Variants in NAALADL2 observed in about 807,000 individuals in gnomAD.
NAALADL2 encodes the protein N-acetylated alpha-linked acidic dipeptidase like 2, also known as inactive N-acetylated-alpha-linked acidic dipeptidase-like protein 2.
Under a neutral mutation model 87.2 loss-of-function variants are expected in NAALADL2, and 76 were observed. That is an observed-to-expected ratio of 0.87 (90% confidence interval 0.72 to 1.05). The LOEUF is 1.05. Among genes scored for constraint, NAALADL2 ranks in the 50% least tolerant of loss-of-function variants. NAALADL2 has a pLI of 0.00. For synonymous variants in NAALADL2, 354 were observed against 331.0 expected (o/e 1.07, Z -0.75); for missense variants, 1,089 against 945.8 (o/e 1.15, Z -1.99).
At chr3:174,853,763 T>C (rs1191098408) in intron 3 of NAALADL2, among the ~76,000 whole-genome samples, 3 of 152,076 alleles carry the variant, frequency 2.0e-5, no homozygotes, top group African/African-American at 2.4e-5. Context: ...AAATGGCCAA[T>C]AGGTATATGA....
intron 11 of NAALADL2, among the ~76,000 whole-genome samples, chr3:175,654,851 C>T (rs149787267): frequency 5.1e-4 from 77 of 152,158 alleles, no homozygotes; most frequent in Admixed American, 1.3e-3. Flanking sequence ...ACCAGGGAAC[C>T]TGTGTATAGG....
chr3:175,617,392 A>G lies in NAALADL2; in HGVS notation c.1801-9899A>G, dbSNP rs1424497642. 5.1e-4 allele frequency among the ~76,000 whole-genome samples: 77 copies of G among 152,042 alleles called. 2 individuals carry two copies. Among genetic ancestry groups the G allele is most frequent in the Admixed American group, 5.0e-3 (77 of 15,272 alleles). ...TGAAAGACTGGCTCTGGACCCTGTG[A>G]CTTGTATCTCGGGAACAGTCCACCC... On this transcript the variant is annotated intron_variant, in intron 10 of 13. Coordinates refer to ENST00000454872, the MANE Select transcript of NAALADL2 (RefSeq NM_207015.3).
At chr3:174,894,281 C>T (rs1327582537) in intron 1 of NAALADL2, among the ~76,000 whole-genome samples, 1 of 152,090 alleles carries the variant, frequency 6.6e-6, no homozygotes, top group Admixed American at 6.6e-5. Flanking sequence ...ACTTCTGGCA[C>T]TGGACAGATC....
intron 2 of NAALADL2, among the ~76,000 whole-genome samples, chr3:174,723,190 C>T (rs890337691): frequency 1.3e-4 from 20 of 152,110 alleles, no homozygotes; most frequent in African/African-American, 4.8e-4. Flanking sequence ...TAAAAATTGC[C>T]TGCCTGTGAT....
intron 1 of NAALADL2, among the ~76,000 whole-genome samples, chr3:174,977,222 C>CG (rs1485543504): frequency 6.6e-6 from 1 of 152,048 alleles, no homozygotes; most frequent in Non-Finnish European, 1.5e-5. Context: ...TGGTGGTTTC[C>CG]GGGGGCTGGA....
chr3:174,479,257 T>C (rs557562497), intron 1 of NAALADL2, among the ~76,000 whole-genome samples: 54 of 152,146 alleles, frequency 3.5e-4, no homozygotes, highest in Non-Finnish European at 6.2e-4. Context: ...TAGCCTCAAC[T>C]CTAAATGAAT....
chr3:174,794,541 A>C (rs1717842382), intron 3 of NAALADL2, among the ~76,000 whole-genome samples: 1 of 152,166 alleles, frequency 6.6e-6, no homozygotes, highest in Non-Finnish European at 1.5e-5. Context: ...GAGTTATTGG[A>C]TATTTGCTAA....
At chr3:174,660,655 TATC>T (rs139639044) in intron 2 of NAALADL2, among the ~76,000 whole-genome samples, 6,531 of 152,218 alleles carry the variant, frequency 0.043, 501 homozygotes, top group African/African-American at 0.15. Context: ...CTTTATGCCT[TATC>T]ATGATAAATT....
At chr3:174,965,579 A>G (rs1742749265) in intron 1 of NAALADL2, among the ~76,000 whole-genome samples, 1 of 152,128 alleles carries the variant, frequency 6.6e-6, no homozygotes. Flanking sequence ...TTGAAATTAG[A>G]TATACAATGA....
intron 2 of NAALADL2, among the ~76,000 whole-genome samples, chr3:174,555,998 TGTGTGTGTGTGC>T (rs1176771782): frequency 3.6e-5 from 5 of 137,892 alleles, no homozygotes; most frequent in African/African-American, 8.5e-5. Context: ...TGTGTGTGTG[TGTGTGTGTGTGC>T]GCGCACGTGA....
In NAALADL2 at chr3:175,423,064, C is replaced by G. The variant is rs1265481672; in HGVS notation, c.1091-24165C>G. On this transcript the variant is annotated intron_variant, in intron 5 of 13. Transcript: ENST00000454872. ...ATATATATATATATTTTTTTTTTTT[C>G]CTGAGTTGTAGAACTGGAAAGAGGT... 6.6e-3 allele frequency among the ~76,000 whole-genome samples: 652 copies of G among 99,052 alleles called. 16 individuals carry two copies. Among genetic ancestry groups the G allele is most frequent in the African/African-American group, 0.025 (606 of 24,194 alleles). The allele number at this position is 99,052 out of a possible 152,430, so 65.0% of individuals were successfully genotyped here. A position where few individuals can be genotyped will look rare whatever the true frequency, so the allele number is the denominator to read the frequency against.
intron 2 of NAALADL2, among the ~76,000 whole-genome samples, chr3:175,207,459 C>T (rs1029445781): frequency 5.9e-5 from 9 of 151,738 alleles, no homozygotes; most frequent in African/African-American, 1.9e-4. Flanking sequence ...TACTTTCTCC[C>T]GTACAACAAT....
chr3:175,125,003 A>G (rs1365975475), intron 2 of NAALADL2, among the ~76,000 whole-genome samples: 1 of 151,904 alleles, frequency 6.6e-6, no homozygotes, highest in Non-Finnish European at 1.5e-5. Flanking sequence ...CAGAAAAATA[A>G]TAGGGAGAAG....
At chr3:174,835,716 C>T (rs575704496) in intron 3 of NAALADL2, among the ~76,000 whole-genome samples, 12 of 152,086 alleles carry the variant, frequency 7.9e-5, no homozygotes, top group East Asian at 7.7e-4. Flanking sequence ...ACTTCTTTAA[C>T]GAAGATATAC....
At chr3:175,686,978 T>A (rs1251898189) in intron 11 of NAALADL2, among the ~76,000 whole-genome samples, 1 of 152,152 alleles carries the variant, frequency 6.6e-6, no homozygotes, top group East Asian at 1.9e-4. Context: ...CATTTTCAGA[T>A]GAGAAAACAA....
intron 3 of NAALADL2, among the ~76,000 whole-genome samples, chr3:175,244,081 G>T (rs566720058): frequency 9.9e-5 from 15 of 152,238 alleles, no homozygotes; most frequent in African/African-American, 3.6e-4. Context: ...TACCATAGGA[G>T]AGAGATGATT....
At chr3:175,175,756 A>T (rs1735610499) in intron 2 of NAALADL2, among the ~76,000 whole-genome samples, 1 of 152,076 alleles carries the variant, frequency 6.6e-6, no homozygotes, top group Non-Finnish European at 1.5e-5. Context: ...ATGTTCACTC[A>T]ATCTGTACTA....
Position 174,618,405 on chromosome 3 carries a change from G to A in NAALADL2, c.-115+67768G>A, listed in dbSNP as rs757544156. 1.0e-3 allele frequency among the ~76,000 whole-genome samples: 153 copies of A among 151,668 alleles called. 1 individual carries two copies. Among genetic ancestry groups the A allele is most frequent in the Non-Finnish European group, 1.5e-3 (100 of 67,646 alleles). ...AAGTCTCTATTATCTCTATACAGTG[G>A]GGCCTTAATTTTTTTTCATTCACTC... On this transcript the variant is annotated intron_variant, in intron 2 of 3. Coordinates refer to the NAALADL2 transcript ENST00000434257.
intron 11 of NAALADL2, among the ~76,000 whole-genome samples, chr3:175,667,424 T>C (rs575398960): frequency 6.6e-6 from 1 of 152,258 alleles, no homozygotes; most frequent in East Asian, 1.9e-4. Context: ...TCTCCTTATT[T>C]ATTGAAAACT....
Sources: allele counts gnomAD v4.1 joint callset (sites outside exome capture counted in the v4.1 genomes callset), GRCh38; gene constraint gnomAD v4.1.1; transcripts MANE v1.5; gene names NCBI Gene and HGNC (gene_info 2026-07-23, HGNC 2026-07-21).